The following CYP39A1 variants were observed in gnomAD, a reference collection of about 807,000 sequenced individuals.
CYP39A1 encodes cytochrome P450 family 39 subfamily A member 1.
Under a neutral mutation model 58.1 loss-of-function variants are expected in CYP39A1, and 49 were observed. The ratio of observed to expected loss-of-function variants is 0.84; its 90% CI spans 0.67 to 1.07. The LOEUF (loss-of-function observed/expected upper bound fraction) is 1.07, where lower values mean the gene tolerates loss of function less well. Among genes scored for constraint, CYP39A1 ranks in the 50% least tolerant of loss-of-function variants. CYP39A1 has a pLI of 0.00. For synonymous variants in CYP39A1, 209 were observed against 187.6 expected (o/e 1.11, Z -0.93); for missense variants, 531 against 539.4 (o/e 0.98, Z 0.16).
intron 10 of CYP39A1, among the ~76,000 whole-genome samples, chr6:46,570,127 T>C (rs1357538121): frequency 6.6e-6 from 1 of 152,122 alleles, no homozygotes; most frequent in Non-Finnish European, 1.5e-5. Context: ...TTCTAGGTTA[T>C]CTAACTGGTT....
rs1016039063 is a variant in CYP39A1 at position 46,596,243 on chromosome 6, T to C, written c.932-123A>G. On this transcript the variant is annotated intron_variant, in intron 7 of 11. Coordinates refer to ENST00000275016, the MANE Select transcript of CYP39A1 (RefSeq NM_016593.5). ...GCAAGTAAAGTGTTCCTATTACTAT[T>C]ACCTATTACAGGTTTAGTCATTAAT... is the stretch of plus-strand genomic sequence containing the variant. 4 of 623,794 alleles carry C rather than the reference T, an allele frequency of 6.4e-6. No individual in the cohort carries two copies. The African/African-American group carries it at 7.7e-5, about 12-fold the overall frequency. 38.6% of individuals were successfully genotyped at this position (623,794 alleles called of 1,614,324 possible).
At chr6:46,573,028 T>G (rs1018490257) in intron 10 of CYP39A1, among the ~76,000 whole-genome samples, 2 of 152,058 alleles carry the variant, frequency 1.3e-5, no homozygotes, top group African/African-American at 4.8e-5. Context: ...TTCAATCTCT[T>G]TGCTTCACTT....
chr6:46,641,474 G>C (rs1490381149), intron 2 of CYP39A1, among the ~76,000 whole-genome samples: 2 of 152,164 alleles, frequency 1.3e-5, no homozygotes, highest in Non-Finnish European at 2.9e-5. Context: ...GGGAAACAGA[G>C]AGAAAGAAGC....
At chr6:46,619,810 T>C (rs1215623407) in intron 7 of CYP39A1, among the ~76,000 whole-genome samples, 1 of 152,170 alleles carries the variant, frequency 6.6e-6, no homozygotes, top group African/African-American at 2.4e-5. Context: ...CTCATCTTCA[T>C]AGCTCTGGTA....
chr6:46,553,429 A>T (rs1261703874), intron 11 of CYP39A1, among the ~76,000 whole-genome samples: 1 of 152,234 alleles, frequency 6.6e-6, no homozygotes, highest in Non-Finnish European at 1.5e-5. Context: ...GATCACAGAC[A>T]TTCCTTTCTA....
At chr6:46,617,039 G>A (rs538772445) in intron 7 of CYP39A1, among the ~76,000 whole-genome samples, 2 of 152,118 alleles carry the variant, frequency 1.3e-5, no homozygotes, top group Non-Finnish European at 2.9e-5. Context: ...AGAAGGTATA[G>A]GTATGCAACA....
At chr6:46,645,689 G>T (rs1416759622) in intron 1 of CYP39A1, among the ~76,000 whole-genome samples, 6 of 151,932 alleles carry the variant, frequency 3.9e-5, no homozygotes, top group African/African-American at 1.4e-4. Context: ...GAATAACCTT[G>T]TCTATATCTA....
At chr6:46,567,104 T>G (rs532796856) in intron 10 of CYP39A1, among the ~76,000 whole-genome samples, 1 of 152,224 alleles carries the variant, frequency 6.6e-6, no homozygotes, top group Non-Finnish European at 1.5e-5. Context: ...CTTATTAATC[T>G]TGTAACTGAA....
intron 10 of CYP39A1, among the ~76,000 whole-genome samples, chr6:46,561,222 C>A (rs1770951532): frequency 6.6e-6 from 1 of 152,080 alleles, no homozygotes; most frequent in Admixed American, 6.6e-5. Context: ...TTTGTAGGTT[C>A]CTTGCTTTAT....
chr6:46,567,623 C>T (rs559328994), intron 10 of CYP39A1, among the ~76,000 whole-genome samples: 5 of 152,046 alleles, frequency 3.3e-5, no homozygotes, highest in Non-Finnish European at 1.5e-5. Context: ...ACATCCTCAC[C>T]AACACTTGTT....
At chr6:46,578,634 T>A (rs1771968280) in intron 10 of CYP39A1, among the ~76,000 whole-genome samples, 1 of 151,710 alleles carries the variant, frequency 6.6e-6, no homozygotes, top group African/African-American at 2.4e-5. Context: ...AGAAATAATT[T>A]AAAAAACCCT....
chr6:46,650,484 C>CTTTTTTTTTTT (rs567314746), intron 1 of CYP39A1, among the ~76,000 whole-genome samples: 5 of 35,174 alleles, frequency 1.4e-4, no homozygotes, highest in Non-Finnish European at 1.8e-4. Context: ...CAGTCATATT[C>CTTTTTTTTTTT]TTTTTTTTTT....
At chr6:46,612,370 A>C (rs1338773396) in intron 7 of CYP39A1, among the ~76,000 whole-genome samples, 3 of 152,244 alleles carry the variant, frequency 2.0e-5, no homozygotes, top group Non-Finnish European at 4.4e-5. Flanking sequence ...CCAAAATGAC[A>C]TCATCCTGAT....
chr6:46,650,234 T>A (rs1762592044), intron 1 of CYP39A1, among the ~76,000 whole-genome samples: 1 of 152,058 alleles, frequency 6.6e-6, no homozygotes, highest in Non-Finnish European at 1.5e-5. Flanking sequence ...CTCAAGCTGA[T>A]CTGAAAATGA....
Position 46,652,404 on chromosome 6 carries a change from A to T in CYP39A1, c.177+2T>A, listed in dbSNP as rs949076477. On this transcript the variant is annotated splice_donor_variant, in intron 1 of 11. Transcript: ENST00000275016. LOFTEE classifies it high-confidence loss of function. Reference sequence around the variant, plus strand: ...GAGACCCCGTCTGCCACGACCACATACCTTGATTCTTGCTTTCTCTATAAA... The same window carrying T: ...GAGACCCCGTCTGCCACGACCACATTCCTTGATTCTTGCTTTCTCTATAAA... The T allele has an allele frequency of 6.2e-7, 1 of 1,610,084 alleles. No homozygotes were observed. Among genetic ancestry groups the T allele is most frequent in the Admixed American group, 1.7e-5 (1 of 59,288 alleles).
chr6:46,644,122 C>G (rs1776507296), intron 1 of CYP39A1, among the ~76,000 whole-genome samples: 2 of 152,152 alleles, frequency 1.3e-5, no homozygotes, highest in East Asian at 1.9e-4. Context: ...TAGCCAGCCC[C>G]CACTGTTTCT....
At chr6:46,577,990 A>C (rs1240596500) in intron 10 of CYP39A1, among the ~76,000 whole-genome samples, 1 of 152,166 alleles carries the variant, frequency 6.6e-6, no homozygotes, top group Non-Finnish European at 1.5e-5. Context: ...CCTCATATGC[A>C]CATGGCACAT....
intron 7 of CYP39A1, among the ~76,000 whole-genome samples, chr6:46,610,888 TG>T (rs751348768): frequency 3.9e-5 from 6 of 152,228 alleles, no homozygotes; most frequent in Non-Finnish European, 7.3e-5. Flanking sequence ...TGCCCCAGTC[TG>T]ATTTCTTTAT....
chr6:46,608,620 A>T (rs970622818), intron 7 of CYP39A1, among the ~76,000 whole-genome samples: 26 of 148,290 alleles, frequency 1.8e-4, no homozygotes, highest in Admixed American at 5.4e-4. Context: ...TTATTTATTT[A>T]TTTTTTTTTT....
Sources: gnomAD v4.1 joint callset for allele counts (sites outside exome capture counted in the v4.1 genomes callset) on GRCh38, gnomAD v4.1.1 for gene constraint, MANE v1.5 for transcripts, NCBI Gene and HGNC (gene_info 2026-07-23, HGNC 2026-07-21) for gene names.